Variants in TRIM42 observed in about 807,000 individuals in gnomAD.
TRIM42 encodes the protein tripartite motif-containing protein 42.
Under a neutral mutation model 64.9 loss-of-function variants are expected in TRIM42, and 59 were observed. That is an observed-to-expected ratio of 0.91 (90% CI 0.74 to 1.13). The LOEUF (loss-of-function observed/expected upper bound fraction) is 1.13, where lower values mean the gene tolerates loss of function less well. Among genes scored for constraint, TRIM42 ranks in the 50% most tolerant of loss-of-function variants. The pLI, the probability that TRIM42 is intolerant of heterozygous loss-of-function variation, is 0.00. For missense variants in TRIM42, 878 were observed against 929.5 expected, an observed-to-expected ratio of 0.94 and a Z score of 0.72; for synonymous variants, 354 against 346.3, an observed-to-expected ratio of 1.02 and a Z score of -0.25.
intron 2 of TRIM42, among the ~76,000 whole-genome samples, chr3:140,685,568 G>A (rs551803659): frequency 3.9e-5 from 6 of 152,260 alleles, no homozygotes; most frequent in African/African-American, 7.2e-5. Flanking sequence ...CTCTGGGTTC[G>A]ATTCTAAACC....
Position 140,700,964 on chromosome 3 carries a change from A to T in TRIM42, c.2162A>T (p.Lys721Met). 1.2e-6 allele frequency: 2 copies of T among 1,614,024 alleles called. No homozygotes were observed. Among genetic ancestry groups the T allele is most frequent in the Non-Finnish European group, 1.7e-6 (2 of 1,179,888 alleles). The change falls in exon 5 of 5, where the codon AAG becomes ATG. Residue 721 changes from lysine to methionine, a missense_variant. Coordinates refer to ENST00000286349, the MANE Select transcript of TRIM42 (RefSeq NM_152616.5). ...AAGAATATCCAGTCTGCCCTCCAGA[A>T]GCACTTCTGAGCCCCTTCAGAGCAG... ...LLKNIQSALQ[K>M]HF
intron 2 of TRIM42, among the ~76,000 whole-genome samples, chr3:140,687,373 G>A (rs1988570987): frequency 6.6e-6 from 1 of 152,200 alleles, no homozygotes; most frequent in African/African-American, 2.4e-5. Flanking sequence ...GTCATTTTGT[G>A]ACTTCACCTC....
intron 2 of TRIM42, among the ~76,000 whole-genome samples, chr3:140,686,517 T>C (rs1988548523): frequency 6.6e-6 from 1 of 152,220 alleles, no homozygotes; most frequent in South Asian, 2.1e-4. Flanking sequence ...ATAGTCATAG[T>C]GGTAATGTGG....
chr3:140,680,868 A>T (rs1324348415), intron 1 of TRIM42, among the ~76,000 whole-genome samples: 1 of 152,240 alleles, frequency 6.6e-6, no homozygotes, highest in South Asian at 2.1e-4. Flanking sequence ...GGACTCAGAC[A>T]TAGGCTCCTG....
Position 140,688,482 on chromosome 3 carries a change from T to A in TRIM42, c.1800T>A (p.Ser600=), listed in dbSNP as rs781491076. The change falls in exon 3 of 5, where the codon TCT becomes TCA. Residue 600 remains serine (S), a synonymous_variant. Transcript: ENST00000286349. ...FHNWYSFNDG[S]VKTPGPIVIY... ...ACTGGTACTCATTCAACGATGGCTCTGTGAAGACCCCAGGCCCAATTGTTA... is the reference window on the plus strand; with the variant it reads ...ACTGGTACTCATTCAACGATGGCTCAGTGAAGACCCCAGGCCCAATTGTTA... 1.2e-6 allele frequency: 2 copies of A among 1,614,174 alleles called. No homozygotes were observed. The highest frequency in any genetic ancestry group is 2.2e-5 in the South Asian group (2 of 91,082).
chr3:140,685,304 C>G (rs1454650364), intron 2 of TRIM42, among the ~76,000 whole-genome samples: 1 of 152,172 alleles, frequency 6.6e-6, no homozygotes, highest in African/African-American at 2.4e-5. Flanking sequence ...ATGCCCCTGT[C>G]CCATCCACAT....
chr3:140,681,347 G>C (rs185441463), intron 1 of TRIM42, among the ~76,000 whole-genome samples: 1 of 152,338 alleles, frequency 6.6e-6, no homozygotes, highest in East Asian at 1.9e-4. Flanking sequence ...TGTACCAGCA[G>C]TTAAGCACTT....
chr3:140,692,476 G>C (rs1388932506), intron 4 of TRIM42, among the ~76,000 whole-genome samples: 1 of 150,162 alleles, frequency 6.7e-6, no homozygotes, highest in Non-Finnish European at 1.5e-5. Context: ...GCCCCAGGGG[G>C]ACATGCTTTA....
intron 4 of TRIM42, among the ~76,000 whole-genome samples, chr3:140,698,189 C>T (rs1988906155): frequency 6.6e-6 from 1 of 152,118 alleles, no homozygotes; most frequent in Admixed American, 6.5e-5. Context: ...AATTATTTAG[C>T]TAATCATAGA....
chr3:140,699,311 G>T (rs1988933915), intron 4 of TRIM42, among the ~76,000 whole-genome samples: 1 of 151,992 alleles, frequency 6.6e-6, no homozygotes, highest in Admixed American at 6.6e-5. Flanking sequence ...GTTTTTATCT[G>T]GTTCTGGAAT....
intron 4 of TRIM42, among the ~76,000 whole-genome samples, chr3:140,697,433 A>T (rs892620232): frequency 6.6e-6 from 1 of 152,198 alleles, no homozygotes; most frequent in Non-Finnish European, 1.5e-5. Flanking sequence ...GATCACAAAG[A>T]TAACCTTCTA....
Position 140,688,361 on chromosome 3 carries a change from A to T in TRIM42, c.1679A>T (p.Gln560Leu). ...KVGLEACGRA[Q>L]SATPAKPTDG... is the part of the protein sequence containing the mutation. ...GGTCTGGAGGCCTGTGGGAGAGCCC[A>T]GTCAGCCACCCCCGCCAAACCCACA... Residue 560 changes from glutamine to leucine, a missense_variant, in exon 3 of 5, where the codon CAG (glutamine) becomes CTG (leucine). Gln to Leu is a moderately radical substitution (Grantham distance 113). Coordinates refer to ENST00000286349, the MANE Select transcript of TRIM42 (RefSeq NM_152616.5). 1.2e-6 allele frequency: 2 copies of T among 1,614,188 alleles called. No individual in the cohort carries two copies. Among genetic ancestry groups the T allele is most frequent in the Non-Finnish European group, 1.7e-6 (2 of 1,180,008 alleles).
At chr3:140,690,039 G>A (rs1295817704) in intron 3 of TRIM42, among the ~76,000 whole-genome samples, 6 of 152,100 alleles carry the variant, frequency 3.9e-5, no homozygotes, top group African/African-American at 1.4e-4. Flanking sequence ...GTCGAAAGAG[G>A]ACACCTAAAC....
chr3:140,680,735 G>T, intron 1 of TRIM42: 2 of 984,716 alleles, frequency 2.0e-6, no homozygotes, highest in Non-Finnish European at 2.4e-6. Flanking sequence ...AGGCCAGCAT[G>T]CCTAGAGCTC....
At chr3:140,684,607 G>A (rs1988501598) in intron 2 of TRIM42, among the ~76,000 whole-genome samples, 1 of 152,156 alleles carries the variant, frequency 6.6e-6, no homozygotes, top group Admixed American at 6.5e-5. Context: ...GTAGCTTCAG[G>A]AATACCTTAA....
chr3:140,682,926 A>C lies in TRIM42; in HGVS notation c.806A>C (p.Asp269Ala). The change falls in exon 2 of 5, where the codon GAT (aspartate) becomes GCT (alanine). Residue 269 changes from aspartate to alanine, a missense_variant. By Grantham distance (126) the Asp-to-Ala change is moderately radical. Transcript: ENST00000286349. ...CNDCLKAFHS[D>A]VAMQDHVFVD... ...GACTGCCTCAAGGCCTTCCACTCGG[A>C]TGTGGCCATGCAAGACCACGTCTTT... The C allele has an allele frequency of 6.2e-7, 1 of 1,614,202 alleles. No individual in the cohort carries two copies. Among genetic ancestry groups the C allele is most frequent in the Non-Finnish European group, 8.5e-7 (1 of 1,180,036 alleles).
chr3:140,682,834 C>A lies in TRIM42; in HGVS notation c.714C>A (p.Cys238Ter), dbSNP rs746879274. ...ACCGCTCCTCCGGGCCCATCCTCTG[C>A]CAGGTCTGCCGCAACAAGCGCATCG... ...RFDRSSGPIL[C>*]QVCRNKRIAY... The change falls in exon 2 of 5, where the codon TGC (cysteine) becomes TGA (stop). Residue 238 changes from cysteine to a stop codon, truncating the protein, a stop_gained. Coordinates refer to ENST00000286349, the MANE Select transcript of TRIM42 (RefSeq NM_152616.5). LOFTEE classifies it high-confidence loss of function. The A allele has an allele frequency of 1.2e-6, 2 of 1,614,152 alleles. No individual in the cohort carries two copies. Among genetic ancestry groups the A allele is most frequent in the Non-Finnish European group, 1.7e-6 (2 of 1,180,024 alleles).
intron 4 of TRIM42, 56 bp from the exon 5 acceptor site, chr3:140,700,832 A>G: frequency 1.3e-6 from 2 of 1,532,872 alleles, no homozygotes; most frequent in South Asian, 1.1e-5. Context: ...AGAAGGGCCC[A>G]GGCTACTGGG....
At chr3:140,687,309 C>T (rs778444638) in intron 2 of TRIM42, among the ~76,000 whole-genome samples, 3 of 152,208 alleles carry the variant, frequency 2.0e-5, no homozygotes, top group Non-Finnish European at 4.4e-5. Context: ...AAACTTAGTT[C>T]TTCCTCTTAC....
Sources: allele counts gnomAD v4.1 joint callset (sites outside exome capture counted in the v4.1 genomes callset), GRCh38; gene constraint gnomAD v4.1.1; transcripts MANE v1.5; gene names NCBI Gene and HGNC (gene_info 2026-07-23, HGNC 2026-07-21).